The following PCLO variants were observed in gnomAD, a reference collection of about 807,000 sequenced individuals.
PCLO encodes protein piccolo.
PCLO carries 82 observed loss-of-function variants against 427.5 expected under a neutral mutation model. The ratio of observed to expected loss-of-function variants is 0.19; its 90% CI spans 0.16 to 0.23. The LOEUF (loss-of-function observed/expected upper bound fraction) is 0.23, where lower values mean the gene tolerates loss of function less well. Ranked by LOEUF, PCLO falls within the 10% of genes least tolerant of loss-of-function variation. PCLO has a pLI of 1.00. For missense variants in PCLO, 6,239 were observed against 6,115.9 expected, an observed-to-expected ratio of 1.02 and a Z score of -0.67; for synonymous variants, 2,357 against 2,155.4, an observed-to-expected ratio of 1.09 and a Z score of -2.59.
At chr7:82,843,889 C>T (rs1562813801) in intron 13 of PCLO, among the ~76,000 whole-genome samples, 1 of 151,974 alleles carries the variant, frequency 6.6e-6, no homozygotes, top group Non-Finnish European at 1.5e-5. Context: ...TGGTCTCGAA[C>T]TCCTGGTCTC....
chr7:83,065,791 G>C (rs1310228455), intron 3 of PCLO, among the ~76,000 whole-genome samples: 1 of 152,002 alleles, frequency 6.6e-6, no homozygotes, highest in Non-Finnish European at 1.5e-5. Flanking sequence ...ACAAATACAT[G>C]GAAGTCAGAA....
At chr7:83,098,899 A>C (rs905508825) in intron 3 of PCLO, among the ~76,000 whole-genome samples, 13 of 152,120 alleles carry the variant, frequency 8.5e-5, no homozygotes, top group Admixed American at 5.2e-4. Context: ...TCACACAAGA[A>C]GAGGTATTCA....
At chr7:83,082,853 T>C (rs951913910) in intron 3 of PCLO, among the ~76,000 whole-genome samples, 3 of 151,708 alleles carry the variant, frequency 2.0e-5, no homozygotes, top group Admixed American at 6.6e-5. Context: ...TAAAGAATTA[T>C]GTGGAGAGGC....
chr7:82,820,176 T>C (rs900324080), intron 20 of PCLO, among the ~76,000 whole-genome samples: 1 of 152,122 alleles, frequency 6.6e-6, no homozygotes, highest in Admixed American at 6.6e-5. Context: ...CCTGAGAAGA[T>C]TGCAAAGTAG....
intron 3 of PCLO, among the ~76,000 whole-genome samples, 157 bp from the exon 4 acceptor site, chr7:82,966,644 T>C (rs1174780773): frequency 6.6e-6 from 1 of 152,178 alleles, no homozygotes; most frequent in Non-Finnish European, 1.5e-5. Flanking sequence ...CAGTAATTTT[T>C]TAAAACATTA....
chr7:82,847,855 T>C (rs1792544749), intron 10 of PCLO, among the ~76,000 whole-genome samples: 3 of 152,150 alleles, frequency 2.0e-5, no homozygotes, highest in Non-Finnish European at 4.4e-5. Flanking sequence ...TGTGCACTAG[T>C]ACAAGGCCCT....
At chr7:82,870,421 CA>C (rs1470651882) in intron 10 of PCLO, among the ~76,000 whole-genome samples, 1 of 151,910 alleles carries the variant, frequency 6.6e-6, no homozygotes, top group East Asian at 1.9e-4. Flanking sequence ...TTATCTCTTA[CA>C]TATCAAAATA....
intron 22 of PCLO, 116 bp from the exon 23 acceptor site, chr7:82,761,609 C>T (rs1369826424): frequency 3.0e-6 from 2 of 669,362 alleles, no homozygotes; most frequent in African/African-American, 3.7e-5. Context: ...TATCTTATGA[C>T]ATCCTAAGTG....
At chr7:83,130,525 T>C (rs923671310) in intron 3 of PCLO, among the ~76,000 whole-genome samples, 3 of 152,240 alleles carry the variant, frequency 2.0e-5, no homozygotes, top group Admixed American at 2.0e-4. Context: ...AGAATTCTTT[T>C]ATCCTTATTG....
chr7:83,101,133 T>C (rs2116487379), intron 3 of PCLO, among the ~76,000 whole-genome samples: 1 of 151,938 alleles, frequency 6.6e-6, no homozygotes, highest in East Asian at 1.9e-4. Context: ...GCATAATAGC[T>C]CCTCTTATTT....
chr7:83,037,650 A>G (rs969460539), intron 3 of PCLO, among the ~76,000 whole-genome samples: 3 of 151,386 alleles, frequency 2.0e-5, no homozygotes, highest in Non-Finnish European at 4.4e-5. Context: ...TTTTTTTTAT[A>G]GTAAATAAAG....
intron 10 of PCLO, among the ~76,000 whole-genome samples, chr7:82,873,507 G>A (rs921470305): frequency 1.2e-4 from 19 of 152,074 alleles, no homozygotes; most frequent in African/African-American, 4.3e-4. Flanking sequence ...CAAACCTTGC[G>A]CCTACTGTGT....
intron 2 of PCLO, among the ~76,000 whole-genome samples, chr7:83,140,484 T>G (rs942701109): frequency 2.0e-5 from 3 of 152,134 alleles, no homozygotes; most frequent in East Asian, 1.9e-4. Context: ...AACAACAAAC[T>G]GTAAAGATTT....
rs756455923 is a variant in PCLO at position 83,134,800 on chromosome 7, T to C, written c.2750A>G (p.Lys917Arg). 2 of 1,613,696 alleles carry C rather than the reference T, an allele frequency of 1.2e-6. No individual in the cohort carries two copies. Among genetic ancestry groups the C allele is most frequent in the South Asian group, 1.1e-5 (1 of 91,078 alleles). ...CTCTTGAGGAGTTGTAGGCTGTGATTTGGGGGCATCAGTAATACTTCCCAG... is the reference window on the plus strand; with the variant it reads ...CTCTTGAGGAGTTGTAGGCTGTGATCTGGGGGCATCAGTAATACTTCCCAG... ...LNLGSITDAP[K>R]SQPTTPQETV... Residue 917 changes from lysine (K) to arginine (R), a missense_variant, in exon 3 of 25, where the codon AAA (lysine) becomes AGA (arginine). By Grantham distance (26) the Lys-to-Arg change is conservative. Transcript: ENST00000333891.
At chr7:82,876,004 T>C (rs1428938854) in intron 10 of PCLO, among the ~76,000 whole-genome samples, 2 of 152,010 alleles carry the variant, frequency 1.3e-5, no homozygotes, top group East Asian at 1.9e-4. Context: ...TGTAAGATGA[T>C]ATTGAATCTG....
chr7:82,875,180 T>C (rs888891262), intron 10 of PCLO, among the ~76,000 whole-genome samples: 1 of 152,164 alleles, frequency 6.6e-6, no homozygotes, highest in African/African-American at 2.4e-5. Flanking sequence ...AGTACTTGAT[T>C]CTCTGAGTTC....
At chr7:82,893,720 T>C (rs1355076573) in intron 9 of PCLO, among the ~76,000 whole-genome samples, 1 of 152,096 alleles carries the variant, frequency 6.6e-6, no homozygotes, top group East Asian at 1.9e-4. Context: ...TGGACTCATT[T>C]ATGAAATATT....
In PCLO at chr7:83,040,699, G is replaced by A. The variant is rs569772368; in HGVS notation, c.3301-74212C>T. On this transcript the variant is annotated intron_variant, in intron 3 of 24. Transcript: ENST00000333891. ...CACTACAACTTCCTCTTTTTTGAGA[G>A]TGTCTTTAGGCTGAACTTCTCCATA... Among the ~76,000 whole-genome samples the A allele has an allele frequency of 1.3e-3, 205 of 152,134 alleles. 1 individual carries two copies. Among genetic ancestry groups the A allele is most frequent in the African/African-American group, 4.8e-3 (198 of 41,500 alleles).
At position 82,943,451 on chromosome 7, in the gene PCLO, C is replaced by T. The variant is rs141590260; in HGVS notation, c.11112+6025G>A. Reference sequence around the variant, plus strand: ...CAAAATGTGATATTTCTTAAATATACAAACTAATTTTTTTGATAGAAAAAT... The same window carrying T: ...CAAAATGTGATATTTCTTAAATATATAAACTAATTTTTTTGATAGAAAAAT... On this transcript the variant is annotated intron_variant, in intron 6 of 24. Transcript: ENST00000333891. 2.2e-3 allele frequency among the ~76,000 whole-genome samples: 326 copies of T among 151,428 alleles called. 3 individuals carry two copies. Among genetic ancestry groups the T allele is most frequent in the African/African-American group, 7.8e-3 (318 of 40,922 alleles).
Sources: allele counts gnomAD v4.1 joint callset (sites outside exome capture counted in the v4.1 genomes callset), GRCh38; gene constraint gnomAD v4.1.1; transcripts MANE v1.5; gene names NCBI Gene and HGNC (gene_info 2026-07-23, HGNC 2026-07-21).